Variants in SASH1 observed in about 807,000 individuals in gnomAD.
The protein encoded by SASH1 is SAM and SH3 domain containing 1, also known as SAM and SH3 domain-containing protein 1.
A neutral mutation model predicts 125.2 loss-of-function variants in SASH1; 44 were observed. The ratio of observed to expected loss-of-function variants is 0.35; its 90% CI spans 0.28 to 0.45. SASH1 has a LOEUF of 0.45. SASH1 is among the 20% of genes least tolerant of loss of function. SASH1 has a pLI of 1.00. For synonymous variants in SASH1, 639 were observed against 649.1 expected, an observed-to-expected ratio of 0.98 and a Z score of 0.24; for missense variants, 1,426 against 1,614.5, an observed-to-expected ratio of 0.88 and a Z score of 2.00.
chr6:148,499,824 T>G (rs1779489358), intron 8 of SASH1, among the ~76,000 whole-genome samples: 1 of 152,242 alleles, frequency 6.6e-6, no homozygotes, highest in Non-Finnish European at 1.5e-5. Flanking sequence ...TTCTAGGGTA[T>G]AGATTCTATT....
Position 148,548,472 on chromosome 6 carries a change from G to A in SASH1, c.3658G>A (p.Ala1220Thr). 6.2e-7 allele frequency: 1 copy of A among 1,614,210 alleles called. No individual in the cohort carries two copies. The highest frequency in any genetic ancestry group is 1.1e-5 in the South Asian group (1 of 91,084). ...PSLSHTCLQE[A>T]GITEERHIRK... ...TCTGTCTCACACTTGCCTTCAGGAGGCCGGCATCACAGAGGAGAGACACAT... is the reference window on the plus strand; with the variant it reads ...TCTGTCTCACACTTGCCTTCAGGAGACCGGCATCACAGAGGAGAGACACAT... Residue 1220 changes from alanine to threonine, a missense_variant, in exon 20 of 20, where the codon GCC becomes ACC. Physicochemically the swap from Ala to Thr is moderately conservative, Grantham distance 58. This residue lies in a region of SASH1 where 634 missense variants were observed against 694.4 expected (regional missense o/e 0.91). Transcript: ENST00000367467.
intron 16 of SASH1, among the ~76,000 whole-genome samples, chr6:148,540,165 C>T (rs1268920977): frequency 1.3e-5 from 2 of 152,122 alleles, no homozygotes; most frequent in African/African-American, 4.8e-5. Context: ...TCCTCATAGC[C>T]CCAAGGCCAG....
At chr6:148,496,838 A>C (rs1314514435) in intron 8 of SASH1, among the ~76,000 whole-genome samples, 1 of 151,988 alleles carries the variant, frequency 6.6e-6, no homozygotes, top group African/African-American at 2.4e-5. Flanking sequence ...GTACCACTGC[A>C]CTCCAGCCTA....
chr6:148,428,205 C>T (rs1775907079), intron 2 of SASH1, among the ~76,000 whole-genome samples: 1 of 152,210 alleles, frequency 6.6e-6, no homozygotes, highest in East Asian at 1.9e-4. Context: ...CTATTTGTGT[C>T]ATATAAATTA....
chr6:148,217,422 A>G, the SASH1 span, among the ~76,000 whole-genome samples: 1 of 152,228 alleles, frequency 6.6e-6, no homozygotes, highest in Non-Finnish European at 1.5e-5. Context: ...TTATTGAAGC[A>G]AAGTGCTTTA....
At chr6:148,538,981 T>C (rs1180960770) in intron 16 of SASH1, among the ~76,000 whole-genome samples, 2 of 152,212 alleles carry the variant, frequency 1.3e-5, no homozygotes, top group Non-Finnish European at 2.9e-5. Context: ...TAAGGCTCCA[T>C]GTGCCCTTTC....
the SASH1 span, among the ~76,000 whole-genome samples, chr6:148,261,750 C>T: frequency 1.3e-5 from 2 of 152,022 alleles, no homozygotes; most frequent in African/African-American, 2.4e-5. Flanking sequence ...GGACAGACAA[C>T]GGGGTTAGTG....
upstream of SASH1, among the ~76,000 whole-genome samples, chr6:148,270,954 C>T (rs879619601): frequency 1.1e-4 from 16 of 149,574 alleles, no homozygotes; most frequent in Admixed American, 6.7e-4. Context: ...TTGTCGCCCA[C>T]GCTGGAGTGC....
At chr6:148,265,961 C>T in the SASH1 span, among the ~76,000 whole-genome samples, 37 of 151,576 alleles carry the variant, frequency 2.4e-4, 1 homozygote, top group African/African-American at 9.7e-5. Flanking sequence ...TCAATCATCG[C>T]GTATTCAGCA....
At chr6:148,484,355 A>G (rs1318983620) in intron 7 of SASH1, among the ~76,000 whole-genome samples, 7 of 151,328 alleles carry the variant, frequency 4.6e-5, no homozygotes. Context: ...CACACACCTT[A>G]AAATGTCATT....
the SASH1 span, among the ~76,000 whole-genome samples, chr6:148,247,925 C>T: frequency 6.6e-6 from 1 of 152,210 alleles, no homozygotes; most frequent in Non-Finnish European, 1.5e-5. Flanking sequence ...AGTATACCAT[C>T]TGTTCTGAGC....
intron 1 of SASH1, among the ~76,000 whole-genome samples, chr6:148,334,420 T>C (rs1274449363): frequency 2.5e-5 from 2 of 79,798 alleles, no homozygotes; most frequent in African/African-American, 5.1e-5. Flanking sequence ...AGAGCGAGAC[T>C]CCGTCTCAAA....
chr6:148,194,413 T>G, the SASH1 span, among the ~76,000 whole-genome samples: 1 of 152,232 alleles, frequency 6.6e-6, no homozygotes, highest in Admixed American at 6.5e-5. Context: ...AAATTTCAGC[T>G]TCATTGGAAA....
chr6:148,387,616 C>CCTTCCTTCCT (rs1783478899), intron 1 of SASH1, among the ~76,000 whole-genome samples: 1 of 21,002 alleles, frequency 4.8e-5, no homozygotes, highest in African/African-American at 2.0e-4. Context: ...TTCTTTCTTT[C>CCTTCCTTCCT]TTTCTTTCTT....
intron 1 of SASH1, among the ~76,000 whole-genome samples, chr6:148,375,528 A>G (rs1782858739): frequency 6.6e-6 from 1 of 152,202 alleles, no homozygotes; most frequent in Non-Finnish European, 1.5e-5. Flanking sequence ...GCTTTTTCAG[A>G]GTACTTTCAC....
At chr6:148,318,126 G>A (rs1204223149) in intron 1 of SASH1, among the ~76,000 whole-genome samples, 1 of 152,140 alleles carries the variant, frequency 6.6e-6, no homozygotes, top group Non-Finnish European at 1.5e-5. Context: ...ATTCATGGAG[G>A]CATTCATTCA....
chr6:148,443,589 T>C (rs1776650015), intron 4 of SASH1, among the ~76,000 whole-genome samples: 1 of 125,796 alleles, frequency 7.9e-6, no homozygotes, highest in South Asian at 3.2e-4. Context: ...CTGTTGGTTT[T>C]AGATTCTTTC....
chr6:148,264,822 CT>C, the SASH1 span, among the ~76,000 whole-genome samples: 1 of 152,218 alleles, frequency 6.6e-6, no homozygotes, highest in Admixed American at 6.5e-5. Flanking sequence ...TCTCGACCCC[CT>C]GTTGGCTTCT....
At chr6:148,211,067 G>T in the SASH1 span, among the ~76,000 whole-genome samples, 1 of 152,144 alleles carries the variant, frequency 6.6e-6, no homozygotes, top group Non-Finnish European at 1.5e-5. Context: ...TCAACCTTGT[G>T]GCCTCTTATC....
Sources: gnomAD v4.1 joint callset for allele counts (sites outside exome capture counted in the v4.1 genomes callset) on GRCh38, gnomAD v4.1.1 for gene constraint, gnomAD v4.1.1 regional missense constraint, MANE v1.5 for transcripts, NCBI Gene and HGNC (gene_info 2026-07-23, HGNC 2026-07-21) for gene names.